Variants in ZNF493 observed in about 807,000 individuals in gnomAD.
ZNF493 encodes zinc finger protein 493.
Under a neutral mutation model 12.2 loss-of-function variants are expected in ZNF493, and 11 were observed. The observed-to-expected ratio is 0.90, with a 90% CI of 0.57 to 1.50. ZNF493 has a LOEUF of 1.50. ZNF493 is among the 40% of genes most tolerant of loss of function. The pLI is 0.00. For synonymous variants in ZNF493, 286 were observed against 302.6 expected, an observed-to-expected ratio of 0.95 and a Z score of 0.57; for missense variants, 950 against 906.6, an observed-to-expected ratio of 1.05 and a Z score of -0.61.
intron 3 of ZNF493, among the ~76,000 whole-genome samples, chr19:21,422,186 A>G (rs934550516): frequency 6.6e-6 from 1 of 151,996 alleles, no homozygotes; most frequent in African/African-American, 2.4e-5. Context: ...CACTTGCTAC[A>G]CCTGTTTTCT....
intron 3 of ZNF493, among the ~76,000 whole-genome samples, chr19:21,416,602 A>G (rs1295537284): frequency 6.6e-6 from 1 of 152,198 alleles, no homozygotes; most frequent in Non-Finnish European, 1.5e-5. Context: ...CTGAATAGTT[A>G]TGTCACAGGT....
Position 21,424,749 on chromosome 19 carries a change from T to C in ZNF493, c.2090T>C (p.Phe697Ser), listed in dbSNP as rs1402218690. 1 of 1,612,730 alleles carries C rather than the reference T, an allele frequency of 6.2e-7. No individual in the cohort carries two copies. The highest frequency in any genetic ancestry group is 8.5e-7 in the Non-Finnish European group (1 of 1,179,470). Residue 697 changes from phenylalanine to serine, a missense_variant, in exon 4 of 4, where the codon TTC (phenylalanine) becomes TCC (serine). Physicochemically the swap from Phe to Ser is radical, Grantham distance 155 (BLOSUM62 -2). Transcript: ENST00000392288. ...AAATGTGGCAAAACTTTCTACCGAT[T>C]CTCAAACCTTAATACGCATAAGATA... ...CEKCGKTFYR[F>S]SNLNTHKIIH...
At chr19:21,413,845 C>T (rs1040466295) in intron 3 of ZNF493, 5 of 177,584 alleles carry the variant, frequency 2.8e-5, no homozygotes, top group East Asian at 1.4e-4. Context: ...GGCCTTTGGG[C>T]AGGCTCAAAA....
At chr19:21,407,524 C>T (rs891983324) in intron 3 of ZNF493, 7 of 461,850 alleles carry the variant, frequency 1.5e-5, no homozygotes, top group South Asian at 9.4e-5. Flanking sequence ...CTCCTGACCT[C>T]GTGATCCGCC....
chr19:21,425,742 CATAAG>C lies in ZNF493; in HGVS notation c.*763_*767del, dbSNP rs2030839373. 1.3e-5 allele frequency: 8 copies of C among 621,588 alleles called. No homozygotes were observed. Among genetic ancestry groups the C allele is most frequent in the Non-Finnish European group, 2.1e-5 (7 of 337,436 alleles). 38.5% of individuals were successfully genotyped at this position (621,588 alleles called of 1,614,324 possible). A position where few individuals can be genotyped will look rare whatever the true frequency, so the allele number is the denominator to read the frequency against. On this transcript the variant is annotated 3_prime_UTR_variant, in exon 4 of 4. Coordinates refer to ENST00000392288, the MANE Select transcript of ZNF493 (RefSeq NM_001076678.3). ...TAACCAATTTTCAAACCTTACTAAA[CATAAG>C]ATAACTCATACTGGAGAAAAATCTT...
In ZNF493 at chr19:21,425,067, ACAC is replaced by A; in HGVS notation, c.*84_*86del. ...TTTTCACCAGTACTTTACCCTTAAT[ACAC>A]ATAAGATAATTAATGCTGGAGAGAA... On this transcript the variant is annotated 3_prime_UTR_variant, in exon 4 of 4. Coordinates refer to ENST00000392288, the MANE Select transcript of ZNF493 (RefSeq NM_001076678.3). The A allele has an allele frequency of 1.4e-6, 2 of 1,448,358 alleles. No homozygotes were observed. Among genetic ancestry groups the A allele is most frequent in the South Asian group, 2.4e-5 (2 of 82,732 alleles). The allele number at this position is 1,448,358 out of a possible 1,614,324, so 89.7% of individuals were successfully genotyped here. A position where few individuals can be genotyped will look rare whatever the true frequency, so the allele number is the denominator to read the frequency against.
rs1376845474 is a variant in ZNF493 at position 21,424,588 on chromosome 19, C to A, written c.1929C>A (p.His643Gln). The change falls in exon 4 of 4, where the codon CAC becomes CAA. Residue 643 changes from histidine to glutamine, a missense_variant. Transcript: ENST00000392288. Reference sequence around the variant, plus strand: ...GCAAAGCTTTTAAGCGGTCCTCACACCTCGCTGGGCACAAGCAAATTCATA... The same window carrying A: ...GCAAAGCTTTTAAGCGGTCCTCACAACTCGCTGGGCACAAGCAAATTCATA... ...ECGKAFKRSS[H>Q]LAGHKQIHSV... The A allele has an allele frequency of 1.2e-6, 2 of 1,613,008 alleles. No homozygotes were observed. The highest frequency in any genetic ancestry group is 1.7e-5 in the Admixed American group (1 of 59,908).
intron 3 of ZNF493, among the ~76,000 whole-genome samples, chr19:21,416,440 A>G (rs2030496571): frequency 6.6e-6 from 1 of 152,226 alleles, no homozygotes; most frequent in African/African-American, 2.4e-5. Context: ...TTCACAATGT[A>G]AAATATAACT....
rs1157897238 is a variant in ZNF493 at position 21,426,672 on chromosome 19, A to T, written c.*1688A>T. ...GCAAATGTAATAAATTTGGGAAAAC[A>T]AATTTTCAAAAACTACAGCTTAGAA... On this transcript the variant is annotated 3_prime_UTR_variant, in exon 4 of 4. Transcript: ENST00000392288. 6.0e-6 allele frequency: 1 copy of T among 166,896 alleles called. No individual in the cohort carries two copies. Among genetic ancestry groups the T allele is most frequent in the Non-Finnish European group, 1.5e-5 (1 of 68,084 alleles). The allele number at this position is 166,896 out of a possible 1,614,324, so 10.3% of individuals were successfully genotyped here. A position where few individuals can be genotyped will look rare whatever the true frequency, so the allele number is the denominator to read the frequency against.
Position 21,424,383 on chromosome 19 carries a change from G to A in ZNF493, c.1724G>A (p.Cys575Tyr). ...RIHTGHKPYK[C>Y]KECGKSFSVF... is the part of the protein sequence containing the mutation. ...CATACTGGACACAAACCCTACAAAT[G>A]TAAAGAATGTGGCAAATCCTTTAGT... Residue 575 changes from cysteine to tyrosine, a missense_variant, in exon 4 of 4, where the codon TGT becomes TAT. By Grantham distance (194) the Cys-to-Tyr change is radical. Coordinates refer to ENST00000392288, the MANE Select transcript of ZNF493 (RefSeq NM_001076678.3). The A allele has an allele frequency of 6.2e-7, 1 of 1,613,232 alleles. No individual in the cohort carries two copies. Among genetic ancestry groups the A allele is most frequent in the Non-Finnish European group, 8.5e-7 (1 of 1,179,670 alleles).
At chr19:21,416,478 A>G (rs1200310965) in intron 3 of ZNF493, among the ~76,000 whole-genome samples, 1 of 152,212 alleles carries the variant, frequency 6.6e-6, no homozygotes, top group Non-Finnish European at 1.5e-5. Context: ...GGGCTTTACC[A>G]ACTCCAACTA....
chr19:21,425,109 G>T lies in ZNF493; in HGVS notation c.*125G>T, dbSNP rs913811177. 42 of 1,153,496 alleles carry T rather than the reference G, an allele frequency of 3.6e-5. No homozygotes were observed. The Admixed American group carries it at 7.7e-4, about 21-fold the overall frequency. The allele number at this position is 1,153,496 out of a possible 1,614,324, so 71.5% of individuals were successfully genotyped here. ...TGCTGGAGAGAAACCCTACAAATGT[G>T]AAGAATGTGGCAAAGATTTCTATTG... On this transcript the variant is annotated 3_prime_UTR_variant, in exon 4 of 4. Coordinates refer to ENST00000392288, the MANE Select transcript of ZNF493 (RefSeq NM_001076678.3).
intron 3 of ZNF493, among the ~76,000 whole-genome samples, chr19:21,407,179 C>G (rs569366174): frequency 1.5e-4 from 23 of 152,226 alleles, no homozygotes; most frequent in Admixed American, 5.9e-4. Flanking sequence ...GAAACCCCGT[C>G]TCTACTGAAA....
rs1227276255 is a variant in ZNF493 at position 21,405,224 on chromosome 19, G to T, written c.126G>T (p.Met42Ile). ...AGCAGGATTTGTATAGGAAAGTGAT[G>T]TTAGAGAACTACAGAAACCTGGTCT... ...TAQQDLYRKV[M>I]LENYRNLVFL... The change falls in exon 2 of 4, where the codon ATG becomes ATT. Residue 42 changes from methionine (M) to isoleucine (I), a missense_variant. Coordinates refer to ENST00000392288, the MANE Select transcript of ZNF493 (RefSeq NM_001076678.3). The T allele has an allele frequency of 1.2e-6, 2 of 1,613,798 alleles. No homozygotes were observed. The highest frequency in any genetic ancestry group is 1.7e-6 in the Non-Finnish European group (2 of 1,179,982).
intron 3 of ZNF493, among the ~76,000 whole-genome samples, chr19:21,416,519 CG>C (rs1427289997): frequency 6.6e-6 from 1 of 152,160 alleles, no homozygotes; most frequent in African/African-American, 2.4e-5. Context: ...ATTGGTCACG[CG>C]GATGGCCAAT....
In ZNF493 at chr19:21,424,640, G is replaced by A. The variant is rs1249128669; in HGVS notation, c.1981G>A (p.Glu661Lys). The A allele has an allele frequency of 6.2e-7, 1 of 1,613,684 alleles. No homozygotes were observed. The highest frequency in any genetic ancestry group is 8.5e-7 in the Non-Finnish European group (1 of 1,179,810). ...HSVQKPYKCE[E>K]CGKAFSIFST... ...TGTACAAAAACCCTACAAATGTGAA[G>A]AATGTGGCAAAGCCTTTAGTATATT... Residue 661 changes from glutamate (E) to lysine (K), a missense_variant, in exon 4 of 4, where the codon GAA (glutamate) becomes AAA (lysine). Physicochemically the swap from Glu to Lys is moderately conservative, Grantham distance 56 (BLOSUM62 1). Coordinates refer to ENST00000392288, the MANE Select transcript of ZNF493 (RefSeq NM_001076678.3).
intron 3 of ZNF493, chr19:21,407,642 G>A: frequency 2.1e-6 from 2 of 973,362 alleles, no homozygotes; most frequent in Non-Finnish European, 2.4e-6. Context: ...TAAGTGTGTA[G>A]AACAATAACT....
intron 1 of ZNF493, among the ~76,000 whole-genome samples, chr19:21,400,229 G>T (rs1359530169): frequency 6.6e-6 from 1 of 152,142 alleles, no homozygotes; most frequent in Non-Finnish European, 1.5e-5. Context: ...GACCAACATG[G>T]TGAAACCCTG....
intron 3 of ZNF493, among the ~76,000 whole-genome samples, chr19:21,417,673 A>C (rs2030534737): frequency 6.6e-6 from 1 of 152,186 alleles, no homozygotes; most frequent in Non-Finnish European, 1.5e-5. Flanking sequence ...CTGCATGACC[A>C]GTTGTGCATC....
Sources: gnomAD v4.1 joint callset for allele counts (sites outside exome capture counted in the v4.1 genomes callset) on GRCh38, gnomAD v4.1.1 for gene constraint, MANE v1.5 for transcripts, NCBI Gene and HGNC (gene_info 2026-07-23, HGNC 2026-07-21) for gene names.